The following UPP2 variants were observed in gnomAD, a reference collection of about 807,000 sequenced individuals.
UPP2 encodes UPase 2.
A neutral mutation model predicts 26.7 loss-of-function variants in UPP2; 23 were observed. The observed-to-expected ratio is 0.86, with a 90% CI of 0.62 to 1.22. The LOEUF is 1.22. Among genes scored for constraint, UPP2 ranks in the 50% most tolerant of loss-of-function variants. UPP2 has a pLI of 0.00. For synonymous variants in UPP2, 127 were observed against 141.3 expected, an observed-to-expected ratio of 0.90 and a Z score of 0.72; for missense variants, 387 against 396.7, an observed-to-expected ratio of 0.98 and a Z score of 0.21.
At chr2:158,117,997 C>T in intron 4 of UPP2, 59 bp downstream of exon 4, 3 of 1,406,684 alleles carry the variant, frequency 2.1e-6, no homozygotes, top group Non-Finnish European at 2.0e-6. Context: ...ATGGTAGCTG[C>T]CAAAATATAA....
upstream of UPP2, chr2:158,101,853 T>G (rs931553198): frequency 3.0e-6 from 4 of 1,339,122 alleles, no homozygotes; most frequent in Non-Finnish European, 3.8e-6. Context: ...AAAAGTCATG[T>G]CAGGGAGGAC....
At chr2:158,134,424 G>A (rs1558944316) in intron 6 of UPP2, among the ~76,000 whole-genome samples, 1 of 152,218 alleles carries the variant, frequency 6.6e-6, no homozygotes, top group Non-Finnish European at 1.5e-5. Flanking sequence ...TAGAAAGCAG[G>A]AGATGGCATA....
At chr2:158,028,386 T>C (rs899191896) in intron 3 of UPP2, among the ~76,000 whole-genome samples, 3 of 152,290 alleles carry the variant, frequency 2.0e-5, no homozygotes, top group Admixed American at 6.5e-5. Flanking sequence ...TGCTAAAACA[T>C]AACAAGAGTC....
upstream of UPP2, chr2:158,101,833 G>C: frequency 7.7e-7 from 1 of 1,300,844 alleles, no homozygotes; most frequent in Non-Finnish European, 9.7e-7. Context: ...TGAGAGCTGG[G>C]CTGTGGTATA....
intron 4 of UPP2, among the ~76,000 whole-genome samples, chr2:158,119,193 G>A (rs993121018): frequency 2.0e-5 from 3 of 152,040 alleles, no homozygotes; most frequent in Admixed American, 2.0e-4. Context: ...GCATTGTAAA[G>A]TCCTGACTGC....
chr2:158,032,002 G>A (rs1683928440), intron 3 of UPP2, among the ~76,000 whole-genome samples: 1 of 152,142 alleles, frequency 6.6e-6, no homozygotes, highest in Admixed American at 6.5e-5. Flanking sequence ...CCCTCTGGGT[G>A]GCAACTTTCA....
chr2:158,082,720 A>G (rs1157481797), intron 3 of UPP2, among the ~76,000 whole-genome samples: 12 of 152,336 alleles, frequency 7.9e-5, no homozygotes, highest in Non-Finnish European at 4.4e-5. Context: ...GGATTTAATT[A>G]AACTAAAGAG....
At chr2:158,038,996 G>A (rs1243333059) in intron 3 of UPP2, among the ~76,000 whole-genome samples, 2 of 152,156 alleles carry the variant, frequency 1.3e-5, no homozygotes, top group African/African-American at 2.4e-5. Flanking sequence ...AATCCACTTT[G>A]GCTGGTTGCA....
At chr2:157,995,804 A>T (rs1465696087) in intron 2 of UPP2, among the ~76,000 whole-genome samples, 1 of 151,980 alleles carries the variant, frequency 6.6e-6, no homozygotes, top group Admixed American at 6.6e-5. Flanking sequence ...CTGAGCATTA[A>T]TGGTTTTGAA....
At chr2:158,089,680 G>C (rs1259069833) in intron 3 of UPP2, among the ~76,000 whole-genome samples, 1 of 152,188 alleles carries the variant, frequency 6.6e-6, no homozygotes, top group Non-Finnish European at 1.5e-5. Flanking sequence ...GGCTCTTCTC[G>C]CTGCTGCTTC....
intron 3 of UPP2, chr2:158,065,843 T>G: frequency 1.5e-6 from 1 of 669,784 alleles, no homozygotes; most frequent in Admixed American, 2.2e-5. Flanking sequence ...ATTGTTGTAC[T>G]GCTGTTCATT....
intron 3 of UPP2, among the ~76,000 whole-genome samples, chr2:158,039,087 C>T (rs1256332324): frequency 6.6e-6 from 1 of 152,180 alleles, no homozygotes; most frequent in Non-Finnish European, 1.5e-5. Flanking sequence ...CTTGTGTTGT[C>T]AGGACCGGCT....
intron 2 of UPP2, among the ~76,000 whole-genome samples, chr2:157,998,234 C>A (rs999574306): frequency 3.9e-5 from 6 of 152,166 alleles, no homozygotes; most frequent in Admixed American, 3.3e-4. Flanking sequence ...AGAAGGGAAT[C>A]CACAGGCTTA....
At position 158,045,841 on chromosome 2, in the gene UPP2, G is replaced by A. The variant is rs79893411; in HGVS notation, c.147+29955G>A. Among the ~76,000 whole-genome samples the A allele has an allele frequency of 6.6e-3, 1,011 of 152,244 alleles. 6 individuals carry two copies. Among genetic ancestry groups the A allele is most frequent in the Middle Eastern group, 0.031 (9 of 294 alleles). On this transcript the variant is annotated intron_variant, in intron 3 of 9. Coordinates refer to the UPP2 transcript ENST00000605860. Reference sequence around the variant, plus strand: ...TCAGCCACCACCCAAGCTACGAGAGGCTAGATCGCAAGTGGTACCAGCCGC... The same window carrying A: ...TCAGCCACCACCCAAGCTACGAGAGACTAGATCGCAAGTGGTACCAGCCGC...
intron 3 of UPP2, among the ~76,000 whole-genome samples, chr2:158,027,298 G>A (rs1428828975): frequency 6.6e-6 from 1 of 152,148 alleles, no homozygotes; most frequent in Non-Finnish European, 1.5e-5. Flanking sequence ...GGGGGTACAG[G>A]TATTGGGTAA....
intron 3 of UPP2, among the ~76,000 whole-genome samples, chr2:158,068,790 ATATATATATATATTTTTTTTT>A (rs1682483465): frequency 1.2e-4 from 2 of 17,158 alleles, no homozygotes; most frequent in African/African-American, 4.1e-4. Context: ...ATATATATAT[ATATATATATATATTTTTTTTT>A]TTTTTTTTTT....
chr2:158,069,236 T>G (rs1682498349), intron 3 of UPP2, among the ~76,000 whole-genome samples: 1 of 152,198 alleles, frequency 6.6e-6, no homozygotes, highest in Non-Finnish European at 1.5e-5. Flanking sequence ...TGCAAGTTCT[T>G]GATTTAGTGC....
chr2:158,025,496 G>A (rs1338069374), intron 3 of UPP2, among the ~76,000 whole-genome samples: 1 of 152,154 alleles, frequency 6.6e-6, no homozygotes, highest in Non-Finnish European at 1.5e-5. Flanking sequence ...AGGCCTTGAG[G>A]ACTCACCACA....
At position 158,081,008 on chromosome 2, in the gene UPP2, G is replaced by C. The variant is rs112074822; in HGVS notation, c.148-21032G>C. Among the ~76,000 whole-genome samples the C allele has an allele frequency of 3.9e-3, 595 of 152,252 alleles. 6 individuals carry two copies. Among genetic ancestry groups the C allele is most frequent in the African/African-American group, 0.013 (555 of 41,546 alleles). ...ATAAAATCTAATGTTAAAAAATGAA[G>C]TGTGTCATGCCTGTGTACTCTTCTA... is the stretch of plus-strand genomic sequence containing the variant. On this transcript the variant is annotated intron_variant, in intron 3 of 9. Coordinates refer to the UPP2 transcript ENST00000605860.
Sources: allele counts gnomAD v4.1 joint callset (sites outside exome capture counted in the v4.1 genomes callset), GRCh38; gene constraint gnomAD v4.1.1; transcripts MANE v1.5; gene names NCBI Gene and HGNC (gene_info 2026-07-23, HGNC 2026-07-21).